The following DDI2 variants were observed in gnomAD, a reference collection of about 807,000 sequenced individuals.
DDI2 encodes the protein protein DDI1 homolog 2.
DDI2 carries 5 observed loss-of-function variants against 48.1 expected under a neutral mutation model. That is an observed-to-expected ratio of 0.10 (90% CI 0.05 to 0.22). The LOEUF is 0.22. DDI2 is among the 10% of genes least tolerant of loss of function. DDI2 has a pLI of 1.00. For synonymous variants in DDI2, 205 were observed against 183.6 expected, an observed-to-expected ratio of 1.12 and a Z score of -0.94; for missense variants, 285 against 506.2, an observed-to-expected ratio of 0.56 and a Z score of 4.19.
chr1:15,624,279 C>T (rs986370000), intron 1 of DDI2, among the ~76,000 whole-genome samples: 4 of 152,126 alleles, frequency 2.6e-5, no homozygotes, highest in South Asian at 2.1e-4. Flanking sequence ...CTGTGACGCT[C>T]ATCACTTCTG....
At chr1:15,632,005 C>T (rs1639853740) in intron 3 of DDI2, among the ~76,000 whole-genome samples, 1 of 151,952 alleles carries the variant, frequency 6.6e-6, no homozygotes, top group African/African-American at 2.4e-5. Flanking sequence ...TGGGTTTCAC[C>T]ATGTTGGCCA....
chr1:15,624,860 A>G (rs1309413623), intron 1 of DDI2, among the ~76,000 whole-genome samples: 1 of 152,166 alleles, frequency 6.6e-6, no homozygotes, highest in Non-Finnish European at 1.5e-5. Flanking sequence ...AGCCTCCCCA[A>G]GTGCTAGGAT....
At chr1:15,656,714 G>C (rs1015628563) in intron 9 of DDI2, 35 bp downstream of exon 9, 3 of 1,612,382 alleles carry the variant, frequency 1.9e-6, no homozygotes, top group Non-Finnish European at 2.5e-6. Flanking sequence ...CTTCCATCCA[G>C]TTGTCATCTG....
At chr1:15,632,766 G>GT (rs916058108) in intron 3 of DDI2, among the ~76,000 whole-genome samples, 6 of 151,916 alleles carry the variant, frequency 3.9e-5, no homozygotes, top group African/African-American at 1.5e-4. Flanking sequence ...TTTCTAGGTA[G>GT]TAGGATAATG....
intron 9 of DDI2, among the ~76,000 whole-genome samples, chr1:15,658,750 G>C (rs1216165385): frequency 1.5e-5 from 1 of 67,692 alleles, no homozygotes; most frequent in African/African-American, 1.2e-4. Flanking sequence ...GCAAAACACA[G>C]TCTTAAAAAA....
chr1:15,632,927 TTTTTAAAAAA>T (rs1275639913), intron 3 of DDI2, among the ~76,000 whole-genome samples: 133 of 121,756 alleles, frequency 1.1e-3, no homozygotes, highest in Non-Finnish European at 1.5e-3. Flanking sequence ...TTTTTTTTTT[TTTTTAAAAAA>T]AAAAAAACAG....
rs1557626555 is a variant in DDI2 at position 15,661,601 on chromosome 1, AC to A, written c.*1813del. 10 of 1,614,092 alleles carry A rather than the reference AC, an allele frequency of 6.2e-6. No homozygotes were observed. The highest frequency in any genetic ancestry group is 7.6e-6 in the Non-Finnish European group (9 of 1,180,032). ...TTGATTTTTCCTGCCACAGATATTG[AC>A]CGCATTCTCCGTGCTGGCTTTACTT... On this transcript the variant is annotated 3_prime_UTR_variant, in exon 10 of 10. Coordinates refer to ENST00000480945, the MANE Select transcript of DDI2 (RefSeq NM_032341.5).
intron 1 of DDI2, among the ~76,000 whole-genome samples, chr1:15,623,119 T>C (rs527915017): frequency 3.3e-5 from 5 of 152,256 alleles, no homozygotes; most frequent in South Asian, 2.1e-4. Flanking sequence ...TGGAGTGAAG[T>C]ATGGCATCTG....
chr1:15,639,941 G>A (rs200575547), intron 5 of DDI2, among the ~76,000 whole-genome samples: 1 of 152,068 alleles, frequency 6.6e-6, no homozygotes, highest in African/African-American at 2.4e-5. Flanking sequence ...CTGTGGTGAC[G>A]GCAGAGGTCA....
rs1158563926 is a variant in DDI2, at chr1:15,667,201, T to C, written c.*7411T>C. 8.7e-6 allele frequency: 1 copy of C among 115,446 alleles called. No individual in the cohort carries two copies. Among genetic ancestry groups the C allele is most frequent in the African/African-American group, 3.4e-5 (1 of 29,452 alleles). 7.2% of individuals were successfully genotyped at this position (115,446 alleles called of 1,614,324 possible). A position where few individuals can be genotyped will look rare whatever the true frequency, so the allele number is the denominator to read the frequency against. ...CAGCCTGGGCAAGAGTGAGACACCG[T>C]CTCAAAAAAAAAAAAAATTTTTTTT... On this transcript the variant is annotated 3_prime_UTR_variant, in exon 10 of 10. Transcript: ENST00000480945.
rs1403985448 is a variant in DDI2, at chr1:15,668,625, A to G, written c.*8835A>G. ...ACCCCGTCCTTTCTTTTCCTTCTTT[A>G]TATGTTCTTGCAGTTACTCTTGTAT... On this transcript the variant is annotated 3_prime_UTR_variant, in exon 10 of 10. Transcript: ENST00000480945. The G allele has an allele frequency of 1.3e-5, 2 of 152,048 alleles. No individual in the cohort carries two copies. Among genetic ancestry groups the G allele is most frequent in the Non-Finnish European group, 2.9e-5 (2 of 67,992 alleles). The allele number at this position is 152,048 out of a possible 1,614,324, so 9.4% of individuals were successfully genotyped here.
chr1:15,618,540 C>T (rs919010673), intron 1 of DDI2, among the ~76,000 whole-genome samples: 4 of 152,140 alleles, frequency 2.6e-5, no homozygotes, highest in African/African-American at 9.7e-5. Context: ...TGGGTCAGTT[C>T]AAAGCTCAAT....
intron 6 of DDI2, among the ~76,000 whole-genome samples, chr1:15,645,323 G>T (rs773519266): frequency 3.9e-5 from 6 of 152,166 alleles, no homozygotes; most frequent in Non-Finnish European, 5.9e-5. Flanking sequence ...CAGTCTAGAC[G>T]CTCACATCCC....
chr1:15,643,149 G>A (rs1453371322), intron 5 of DDI2, among the ~76,000 whole-genome samples: 8 of 152,176 alleles, frequency 5.3e-5, no homozygotes, highest in Non-Finnish European at 1.0e-4. Flanking sequence ...CAGGAGAATC[G>A]TTTGAAGCCA....
intron 8 of DDI2, chr1:15,656,300 C>T: frequency 1.3e-6 from 1 of 749,610 alleles, no homozygotes; most frequent in Non-Finnish European, 1.8e-6. Flanking sequence ...TTTTAATCAC[C>T]TAATTCGATC....
chr1:15,618,106 G>A (rs1226475405), intron 1 of DDI2, among the ~76,000 whole-genome samples: 1 of 152,148 alleles, frequency 6.6e-6, no homozygotes, highest in Non-Finnish European at 1.5e-5. Context: ...CCCCACCTTT[G>A]GCTCTTTGGC....
chr1:15,628,656 G>GC (rs1248150303), intron 2 of DDI2, among the ~76,000 whole-genome samples: 1 of 152,104 alleles, frequency 6.6e-6, no homozygotes, highest in Non-Finnish European at 1.5e-5. Context: ...CTCAGGCCTA[G>GC]CCCCTCATTC....
chr1:15,625,895 G>A (rs1639746405), intron 1 of DDI2, among the ~76,000 whole-genome samples: 1 of 152,230 alleles, frequency 6.6e-6, no homozygotes, highest in African/African-American at 2.4e-5. Context: ...GGAATTACAG[G>A]CGTGAGCCAG....
At chr1:15,649,893 ATTGG>A in intron 7 of DDI2, 70 bp downstream of exon 7, 1 of 1,446,534 alleles carries the variant, frequency 6.9e-7, no homozygotes, top group Non-Finnish European at 9.4e-7. Context: ...CATTATTTTT[ATTGG>A]TTACATATAC....
Sources: allele counts gnomAD v4.1 joint callset (sites outside exome capture counted in the v4.1 genomes callset), GRCh38; gene constraint gnomAD v4.1.1; transcripts MANE v1.5; gene names NCBI Gene and HGNC (gene_info 2026-07-23, HGNC 2026-07-21).